The following CYLD variants were observed in gnomAD, a reference collection of about 807,000 sequenced individuals.
CYLD encodes the protein CYLD lysine 63 deubiquitinase, also known as ubiquitin carboxyl-terminal hydrolase CYLD.
A neutral mutation model predicts 104.5 loss-of-function variants in CYLD; 26 were observed. The observed-to-expected ratio is 0.25, with a 90% confidence interval of 0.18 to 0.35. The LOEUF (loss-of-function observed/expected upper bound fraction) is 0.35, where lower values mean the gene tolerates loss of function less well. Among genes scored for constraint, CYLD ranks in the 10% least tolerant of loss-of-function variants. The pLI is 1.00. For synonymous variants in CYLD, 385 were observed against 399.9 expected (o/e 0.96, Z 0.45); for missense variants, 703 against 1,136.1 (o/e 0.62, Z 5.48).
chr16:50,798,695 T>C lies in CYLD; in HGVS notation c.*2187T>C. 1 of 233,002 alleles carries C rather than the reference T, an allele frequency of 4.3e-6. No homozygotes were observed. Among genetic ancestry groups the C allele is most frequent in the Non-Finnish European group, 8.5e-6 (1 of 117,868 alleles). 14.4% of individuals were successfully genotyped at this position (233,002 alleles called of 1,614,324 possible). On this transcript the variant is annotated 3_prime_UTR_variant, in exon 19 of 19. Coordinates refer to ENST00000427738, the MANE Select transcript of CYLD (RefSeq NM_001378743.1). ...AAAATACAAATTGAGGAAGCTCTGC[T>C]ACCCAGGCTGTCATGGTAGAGAACT...
chr16:50,742,407 C>T (rs1346109852), intron 1 of CYLD: 2 of 177,774 alleles, frequency 1.1e-5, no homozygotes, highest in Non-Finnish European at 2.4e-5. Context: ...GGGTTTCCCC[C>T]CCCCACCGGG....
intron 5 of CYLD, among the ~76,000 whole-genome samples, chr16:50,760,015 A>G (rs983061293): frequency 6.6e-6 from 1 of 152,198 alleles, no homozygotes; most frequent in African/African-American, 2.4e-5. Flanking sequence ...TTTTATATTG[A>G]GCATCCTTAT....
chr16:50,754,353 A>G lies in CYLD; in HGVS notation c.842A>G (p.Asp281Gly). 1 of 1,613,566 alleles carries G rather than the reference A, an allele frequency of 6.2e-7. No individual in the cohort carries two copies. Reference sequence around the variant, plus strand: ...ATTGGCAACTGGGATGGAAGATTTGATGGAGTGCAGCTTTGTAGTTTTGCG... The same window carrying G: ...ATTGGCAACTGGGATGGAAGATTTGGTGGAGTGCAGCTTTGTAGTTTTGCG... ...NPIGNWDGRF[D>G]GVQLCSFACV... The change falls in exon 5 of 19, where the codon GAT becomes GGT. Residue 281 changes from aspartate to glycine, a missense_variant. Transcript: ENST00000427738.
intron 13 of CYLD, chr16:50,787,249 G>T (rs374036853): frequency 5.5e-6 from 2 of 362,530 alleles, no homozygotes; most frequent in Non-Finnish European, 5.1e-6. Flanking sequence ...CTCTTGTGGT[G>T]CAGAGTTGCA....
chr16:50,795,307 A>G (rs1285485957), intron 18 of CYLD, among the ~76,000 whole-genome samples: 4 of 152,206 alleles, frequency 2.6e-5, no homozygotes, highest in African/African-American at 9.6e-5. Flanking sequence ...TGCATGTAGT[A>G]TCTTTCTCCC....
intron 11 of CYLD, chr16:50,783,988 G>A (rs934285632): frequency 6.3e-6 from 2 of 316,436 alleles, no homozygotes; most frequent in African/African-American, 4.3e-5. Context: ...TTGTCTGTTT[G>A]TAATTTGACT....
At chr16:50,745,875 C>A (rs756232150) in intron 2 of CYLD, among the ~76,000 whole-genome samples, 1 of 152,060 alleles carries the variant, frequency 6.6e-6, no homozygotes, top group Non-Finnish European at 1.5e-5. Context: ...GCTTGGGGTA[C>A]CTAAGACTTT....
Position 50,749,648 on chromosome 16 carries a change from G to T in CYLD, c.-51G>T. 6.3e-7 allele frequency: 1 copy of T among 1,586,180 alleles called. No individual in the cohort carries two copies. The highest frequency in any genetic ancestry group is 8.6e-7 in the Non-Finnish European group (1 of 1,160,786). On this transcript the variant is annotated 5_prime_UTR_variant, in exon 3 of 19. Coordinates refer to ENST00000427738, the MANE Select transcript of CYLD (RefSeq NM_001378743.1). Reference sequence around the variant, plus strand: ...TTATCTTTTGCGGTTTTATGACAAAGTTATTAGTAGTTTCCCTTTTTTGAA... The same window carrying T: ...TTATCTTTTGCGGTTTTATGACAAATTTATTAGTAGTTTCCCTTTTTTGAA...
chr16:50,756,342 C>G (rs1567428558), intron 5 of CYLD, among the ~76,000 whole-genome samples: 2 of 152,164 alleles, frequency 1.3e-5, no homozygotes, highest in African/African-American at 2.4e-5. Flanking sequence ...AGACATTGGT[C>G]ATCTAATCTA....
At position 50,760,932 on chromosome 16, in the gene CYLD, T is replaced by C. The variant is rs778276581; in HGVS notation, c.913+6508T>C. ...CCAGTAGAATACAAGGGGGAACTTA[T>C]AGCTTTCCCATGAGAGTGTGTTACT... is the stretch of plus-strand genomic sequence containing the variant. On this transcript the variant is annotated intron_variant, in intron 5 of 18. Transcript: ENST00000427738. Among the ~76,000 whole-genome samples the C allele has an allele frequency of 7.9e-5, 12 of 152,344 alleles. No individual in the cohort carries two copies. The South Asian group carries it at 1.5e-3, about 18-fold the overall frequency.
At position 50,800,290 on chromosome 16, in the gene CYLD, T is replaced by A. The variant is rs1194154033; in HGVS notation, c.*3782T>A. Reference sequence around the variant, plus strand: ...ATCTGTGAGGGAATCCCCAGGGGAATCTCGTGACCAGCCAGGTGTGAAATC... The same window carrying A: ...ATCTGTGAGGGAATCCCCAGGGGAAACTCGTGACCAGCCAGGTGTGAAATC... On this transcript the variant is annotated 3_prime_UTR_variant, in exon 19 of 19. Transcript: ENST00000427738. 2 of 233,274 alleles carry A rather than the reference T, an allele frequency of 8.6e-6. No homozygotes were observed. Among genetic ancestry groups the A allele is most frequent in the Non-Finnish European group, 1.7e-5 (2 of 118,026 alleles). The allele number at this position is 233,274 out of a possible 1,614,324, so 14.5% of individuals were successfully genotyped here. A position where few individuals can be genotyped will look rare whatever the true frequency, so the allele number is the denominator to read the frequency against.
chr16:50,784,124 T>G, intron 11 of CYLD: 1 of 529,622 alleles, frequency 1.9e-6, no homozygotes, highest in Non-Finnish European at 3.4e-6. Context: ...GGTGTTGTCC[T>G]TAACATGGAA....
chr16:50,758,435 G>A (rs1967521050), intron 5 of CYLD, among the ~76,000 whole-genome samples: 1 of 152,172 alleles, frequency 6.6e-6, no homozygotes, highest in Non-Finnish European at 1.5e-5. Flanking sequence ...GAGGTGGGGA[G>A]CTATAGGTGG....
At chr16:50,756,247 A>C (rs12324931) in intron 5 of CYLD, among the ~76,000 whole-genome samples, 4,322 of 152,214 alleles carry the variant, frequency 0.028, 108 homozygotes, top group Non-Finnish European at 0.045. Flanking sequence ...TGGGGGAAAA[A>C]CCCTTCCTGT....
At chr16:50,755,315 A>G (rs902999073) in intron 5 of CYLD, among the ~76,000 whole-genome samples, 10 of 151,800 alleles carry the variant, frequency 6.6e-5, no homozygotes, top group African/African-American at 1.9e-4. Flanking sequence ...TATTTTTGCA[A>G]TTGCAGATTG....
rs906120607 is a variant in CYLD at position 50,743,691 on chromosome 16, GT to G, written c.-124+859del. Among the ~76,000 whole-genome samples, 528 of 151,372 alleles carry G rather than the reference GT, an allele frequency of 3.5e-3. 2 individuals are homozygous for G. Among genetic ancestry groups the G allele is most frequent in the African/African-American group, 0.012 (501 of 41,248 alleles). ...GATTTTCACACTATGATTTAAATTA[GT>G]TTTTTTTTCATTGGTTGTACAGAAT... On this transcript the variant is annotated intron_variant, in intron 2 of 18. Transcript: ENST00000427738.
At chr16:50,751,249 C>G (rs1348421920) in intron 3 of CYLD, among the ~76,000 whole-genome samples, 1 of 152,182 alleles carries the variant, frequency 6.6e-6, no homozygotes, top group East Asian at 1.9e-4. Context: ...GATTTAAGCA[C>G]AGTGACTGAC....
chr16:50,746,619 A>C (rs191743411), intron 2 of CYLD, among the ~76,000 whole-genome samples: 3 of 152,306 alleles, frequency 2.0e-5, no homozygotes. Context: ...ACTTGTGCTA[A>C]TGAAAGTTAG....
intron 14 of CYLD, among the ~76,000 whole-genome samples, chr16:50,788,704 A>G (rs1971097653): frequency 6.6e-6 from 1 of 152,230 alleles, no homozygotes; most frequent in Non-Finnish European, 1.5e-5. Flanking sequence ...TAAAAATCCT[A>G]GAGAATGGCC....
Sources: allele counts gnomAD v4.1 joint callset (sites outside exome capture counted in the v4.1 genomes callset), GRCh38; gene constraint gnomAD v4.1.1; transcripts MANE v1.5; gene names NCBI Gene and HGNC (gene_info 2026-07-23, HGNC 2026-07-21).